The following DAGLB variants were observed in gnomAD, a reference collection of about 807,000 sequenced individuals.
DAGLB encodes the protein diacylglycerol lipase beta.
Under a neutral mutation model 72.1 loss-of-function variants are expected in DAGLB, and 66 were observed. The observed-to-expected ratio is 0.92, with a 90% CI of 0.75 to 1.12. The LOEUF (loss-of-function observed/expected upper bound fraction) is 1.12. Among genes scored for constraint, DAGLB ranks in the 50% most tolerant of loss-of-function variants. The probability of loss-of-function intolerance (pLI) is 0.00; values close to 1 mark genes in which losing one functional copy is unlikely to be tolerated. For synonymous variants in DAGLB, 414 were observed against 359.5 expected (o/e 1.15, Z -1.71); for missense variants, 1,065 against 884.9 (o/e 1.20, Z -2.58).
chr7:6,436,798 A>G (rs1258961789), intron 2 of DAGLB, among the ~76,000 whole-genome samples: 1 of 152,060 alleles, frequency 6.6e-6, no homozygotes, highest in African/African-American at 2.4e-5. Context: ...TGGGGTGACA[A>G]TATAATCATG....
chr7:6,418,929 G>A (rs1387619504), intron 9 of DAGLB, among the ~76,000 whole-genome samples: 1 of 152,090 alleles, frequency 6.6e-6, no homozygotes, highest in African/African-American at 2.4e-5. Context: ...CTCCCAAAGT[G>A]CTGGGATTAC....
In DAGLB at chr7:6,416,949, G is replaced by A. The variant is rs377250473; in HGVS notation, c.1219-28C>T. 1.8e-4 allele frequency: 296 copies of A among 1,612,780 alleles called. 1 individual carries two copies. Among genetic ancestry groups the A allele is most frequent in the Non-Finnish European group, 2.3e-4 (276 of 1,179,104 alleles). ...AAAAACACAGACAAAGAAGGTGGCC[G>A]TTAATCCTCAGACAAGGCAGGCCCA... On this transcript the variant is annotated intron_variant, in intron 9 of 14. Transcript: ENST00000297056.
At chr7:6,428,486 C>CT (rs1251418612) in intron 6 of DAGLB, among the ~76,000 whole-genome samples, 149 of 143,980 alleles carry the variant, frequency 1.0e-3, no homozygotes, top group Non-Finnish European at 1.5e-3. Context: ...GTTTTGGTTT[C>CT]TTTTTTTTTT....
At chr7:6,428,726 A>G (rs1344246327) in intron 6 of DAGLB, among the ~76,000 whole-genome samples, 1 of 152,148 alleles carries the variant, frequency 6.6e-6, no homozygotes, top group Non-Finnish European at 1.5e-5. Context: ...ACCTCAGGTG[A>G]TCAGCCCGCC....
chr7:6,423,765 T>C (rs1266660842), intron 8 of DAGLB, among the ~76,000 whole-genome samples: 7 of 152,126 alleles, frequency 4.6e-5, no homozygotes, highest in Admixed American at 4.6e-4. Flanking sequence ...TTTTCTGTAT[T>C]TTTAGTAGAG....
chr7:6,430,511 G>T lies in DAGLB; in HGVS notation c.898C>A (p.Leu300Ile). 2 of 1,598,578 alleles carry T rather than the reference G, an allele frequency of 1.3e-6. No individual in the cohort carries two copies. The highest frequency in any genetic ancestry group is 1.7e-6 in the Non-Finnish European group (2 of 1,169,788). The change falls in exon 6 of 15, where the codon CTC becomes ATC. Residue 300 changes from leucine (L) to isoleucine (I), a missense_variant. By Grantham distance (5) the Leu-to-Ile change is conservative (BLOSUM62 2). Coordinates refer to ENST00000297056, the MANE Select transcript of DAGLB (RefSeq NM_139179.4). Reference sequence around the variant, plus strand: ...CCACCAATCCTGCACAGCCCCGTGAGGGGGTTTCTGTAGATGTAGAGGGGC... The same window carrying T: ...CCACCAATCCTGCACAGCCCCGTGATGGGGTTTCTGTAGATGTAGAGGGGC... ...GWPLYIYRNP[L>I]TGLCRIGGDC...
chr7:6,436,351 G>A lies in DAGLB; in HGVS notation c.419+11C>T. On this transcript the variant is annotated intron_variant, in intron 3 of 14. Coordinates refer to ENST00000297056, the MANE Select transcript of DAGLB (RefSeq NM_139179.4). ...TCCACTGAAACTCAAAGAGAAGAAGGGAGATGTCACCTGACCACGACGGTT... is the reference window on the plus strand; with the variant it reads ...TCCACTGAAACTCAAAGAGAAGAAGAGAGATGTCACCTGACCACGACGGTT... The A allele has an allele frequency of 6.3e-7, 1 of 1,597,620 alleles. No homozygotes were observed. Among genetic ancestry groups the A allele is most frequent in the South Asian group, 1.1e-5 (1 of 88,846 alleles).
Position 6,410,182 on chromosome 7 carries a change from G to A in DAGLB, c.1768C>T (p.Leu590Phe). ...TGGATGATCCTGCCGGGAGGGTAGA[G>A]AGGGGGGTACTTGGGAGAAGAGTCC... is the stretch of plus-strand genomic sequence containing the variant. ...PLDSSPKYPPLYPPGRIIHLQ... is the reference protein window; with the variant it reads ...PLDSSPKYPPFYPPGRIIHLQ... Residue 590 changes from leucine (L) to phenylalanine (F), a missense_variant, in exon 14 of 15, where the codon CTC becomes TTC. By Grantham distance (22) the Leu-to-Phe change is conservative. Coordinates refer to ENST00000297056, the MANE Select transcript of DAGLB (RefSeq NM_139179.4). 6.3e-7 allele frequency: 1 copy of A among 1,595,110 alleles called. No individual in the cohort carries two copies. Among genetic ancestry groups the A allele is most frequent in the African/African-American group, 1.3e-5 (1 of 74,782 alleles).
rs199735881 is a variant in DAGLB, at chr7:6,409,977, T to G, written c.1879A>C (p.Ser627Arg). The change falls in exon 15 of 15, where the codon AGC (serine) becomes CGC (arginine). Residue 627 changes from serine (S) to arginine (R), a missense_variant. Coordinates refer to ENST00000297056, the MANE Select transcript of DAGLB (RefSeq NM_139179.4). ...ATCTTCGGACCTATGAGTATTTTGC[T>G]GAATTCCGCTTCGTGTGACCACTTG... Reference protein sequence around the residue: ...SAKWSHEAEFSKILIGPKMLT... With the variant: ...SAKWSHEAEFRKILIGPKMLT... 1 of 1,614,150 alleles carries G rather than the reference T, an allele frequency of 6.2e-7. No homozygotes were observed. Among genetic ancestry groups the G allele is most frequent in the East Asian group, 2.2e-5 (1 of 44,874 alleles).
At chr7:6,443,615 C>T (rs1226921291) in intron 2 of DAGLB, among the ~76,000 whole-genome samples, 1 of 152,184 alleles carries the variant, frequency 6.6e-6, no homozygotes, top group East Asian at 1.9e-4. Context: ...CTCCTATGAG[C>T]TAACACCTTT....
At chr7:6,444,520 T>A (rs571801270) in intron 2 of DAGLB, among the ~76,000 whole-genome samples, 62 of 152,094 alleles carry the variant, frequency 4.1e-4, no homozygotes, top group Non-Finnish European at 7.8e-4. Context: ...AAGAATCACT[T>A]GAACCCAGGA....
At position 6,431,587 on chromosome 7, in the gene DAGLB, C is replaced by T. The variant is rs1370522257; in HGVS notation, c.802-980G>A. Among the ~76,000 whole-genome samples, 23 of 152,116 alleles carry T rather than the reference C, an allele frequency of 1.5e-4. 1 individual carries two copies. Among genetic ancestry groups the T allele is most frequent in the Admixed American group, 1.5e-3 (23 of 15,264 alleles). On this transcript the variant is annotated intron_variant, in intron 5 of 14. Coordinates refer to ENST00000297056, the MANE Select transcript of DAGLB (RefSeq NM_139179.4). Reference sequence around the variant, plus strand: ...AAGAGTTTGAGAACAGCCTGGCCAACACGGTGAAACCCCGTCTCTGCTAAA... The same window carrying T: ...AAGAGTTTGAGAACAGCCTGGCCAATACGGTGAAACCCCGTCTCTGCTAAA...
intron 5 of DAGLB, among the ~76,000 whole-genome samples, chr7:6,432,533 G>A (rs1023241306): frequency 1.3e-5 from 2 of 151,642 alleles, no homozygotes; most frequent in Admixed American, 1.3e-4. Context: ...GGTGGCAGGC[G>A]CCTGTAGTCC....
chr7:6,440,301 T>C (rs991134930), intron 2 of DAGLB, among the ~76,000 whole-genome samples: 3 of 151,806 alleles, frequency 2.0e-5, no homozygotes, highest in East Asian at 3.9e-4. Flanking sequence ...GGAGAATCAC[T>C]TGAACCCAGA....
At chr7:6,442,718 A>G (rs1784871257) in intron 2 of DAGLB, among the ~76,000 whole-genome samples, 1 of 152,184 alleles carries the variant, frequency 6.6e-6, no homozygotes, top group African/African-American at 2.4e-5. Context: ...GCCTCCATCA[A>G]TCCAGCCTCC....
chr7:6,444,656 A>G (rs971152072), intron 2 of DAGLB, among the ~76,000 whole-genome samples: 1 of 152,168 alleles, frequency 6.6e-6, no homozygotes, highest in Non-Finnish European at 1.5e-5. Flanking sequence ...AATTGGGCAA[A>G]AGATCTGAAC....
chr7:6,417,122 G>A (rs1783943948), intron 9 of DAGLB: 2 of 600,174 alleles, frequency 3.3e-6, no homozygotes, highest in Non-Finnish European at 5.8e-6. Flanking sequence ...GGTGCCAGGT[G>A]TGGTGGCGCA....
At chr7:6,415,164 TAAA>T (rs375211033) in intron 11 of DAGLB, among the ~76,000 whole-genome samples, 4 of 139,830 alleles carry the variant, frequency 2.9e-5, no homozygotes, top group African/African-American at 1.1e-4. Flanking sequence ...CTGTGTCAAT[TAAA>T]AAAAAAAAAA....
chr7:6,442,464 G>A (rs1784865283), intron 2 of DAGLB, among the ~76,000 whole-genome samples: 1 of 151,934 alleles, frequency 6.6e-6, no homozygotes, highest in South Asian at 2.1e-4. Flanking sequence ...AAAGTACACC[G>A]ACTGCTTCCA....
Sources: gnomAD v4.1 joint callset for allele counts (sites outside exome capture counted in the v4.1 genomes callset) on GRCh38, gnomAD v4.1.1 for gene constraint, MANE v1.5 for transcripts, NCBI Gene and HGNC (gene_info 2026-07-23, HGNC 2026-07-21) for gene names.